Variants in SGCZ observed in about 807,000 individuals in gnomAD.
The protein encoded by SGCZ is zeta-sarcoglycan.
Under a neutral mutation model 41.3 loss-of-function variants are expected in SGCZ, and 40 were observed. The observed-to-expected ratio is 0.97, with a 90% CI of 0.75 to 1.26. SGCZ has a LOEUF of 1.26. Ranked by LOEUF, SGCZ falls within the 50% of genes most tolerant of loss-of-function variation. The pLI is 0.00. For synonymous variants in SGCZ, 206 were observed against 137.5 expected, an observed-to-expected ratio of 1.50 and a Z score of -3.49; for missense variants, 552 against 369.8, an observed-to-expected ratio of 1.49 and a Z score of -4.04.
chr8:14,959,549 T>G (rs887198239), intron 1 of SGCZ, among the ~76,000 whole-genome samples: 1 of 152,152 alleles, frequency 6.6e-6, no homozygotes, highest in Non-Finnish European at 1.5e-5. Context: ...CATTTAACAA[T>G]AGCTAATGCA....
At chr8:14,561,915 C>T (rs1421002934) in intron 1 of SGCZ, among the ~76,000 whole-genome samples, 1 of 152,098 alleles carries the variant, frequency 6.6e-6, no homozygotes, top group South Asian at 2.1e-4. Context: ...CATTTTTCTC[C>T]CAAGGTGTGG....
chr8:14,476,591 C>G (rs1801368709), intron 2 of SGCZ, among the ~76,000 whole-genome samples: 1 of 152,054 alleles, frequency 6.6e-6, no homozygotes, highest in Non-Finnish European at 1.5e-5. Flanking sequence ...TTATCTATGG[C>G]TAATGGTCAA....
intron 7 of SGCZ, among the ~76,000 whole-genome samples, chr8:14,097,270 G>A (rs1382400584): frequency 2.6e-5 from 4 of 152,156 alleles, no homozygotes; most frequent in African/African-American, 2.4e-5. Context: ...CTTTATGTGT[G>A]TCCCAGAGAT....
intron 5 of SGCZ, among the ~76,000 whole-genome samples, chr8:14,124,993 C>T (rs769609707): frequency 2.6e-5 from 4 of 152,050 alleles, no homozygotes; most frequent in Admixed American, 2.0e-4. Flanking sequence ...TTCCTATACA[C>T]GAACAAAAGA....
At chr8:14,165,554 A>G (rs1804181944) in intron 4 of SGCZ, among the ~76,000 whole-genome samples, 1 of 152,164 alleles carries the variant, frequency 6.6e-6, no homozygotes, top group African/African-American at 2.4e-5. Flanking sequence ...AATTCATATT[A>G]TGTCCAAATT....
At chr8:14,986,542 T>C (rs1288084658) in intron 1 of SGCZ, among the ~76,000 whole-genome samples, 1 of 152,138 alleles carries the variant, frequency 6.6e-6, no homozygotes, top group African/African-American at 2.4e-5. Context: ...AGGTAAATTA[T>C]AATTTCCTTT....
chr8:15,021,463 T>G (rs1181003786), intron 1 of SGCZ, among the ~76,000 whole-genome samples: 2 of 152,210 alleles, frequency 1.3e-5, no homozygotes, highest in South Asian at 2.1e-4. Flanking sequence ...TTGGCTTATC[T>G]GAGGTTGTAC....
intron 1 of SGCZ, among the ~76,000 whole-genome samples, chr8:15,108,996 T>C (rs1231959011): frequency 1.3e-5 from 2 of 152,170 alleles, no homozygotes; most frequent in Admixed American, 6.5e-5. Context: ...TTTTCTCCAT[T>C]TCTACATTTT....
chr8:15,199,017 G>A (rs745812551), intron 1 of SGCZ, among the ~76,000 whole-genome samples: 8 of 152,130 alleles, frequency 5.3e-5, no homozygotes, highest in Non-Finnish European at 1.2e-4. Flanking sequence ...TCTACCATAT[G>A]AGAGTATTAA....
At chr8:14,990,910 C>A (rs1205355965) in intron 1 of SGCZ, among the ~76,000 whole-genome samples, 3 of 152,080 alleles carry the variant, frequency 2.0e-5, no homozygotes, top group Non-Finnish European at 4.4e-5. Flanking sequence ...ACTCCCAACC[C>A]AGTCCCAGTC....
At chr8:15,191,465 C>G (rs1308730147) in intron 1 of SGCZ, among the ~76,000 whole-genome samples, 1 of 151,784 alleles carries the variant, frequency 6.6e-6, no homozygotes, top group Non-Finnish European at 1.5e-5. Context: ...GTATTTAACC[C>G]TGAAAACAAT....
At chr8:14,362,974 C>T (rs1463853544) in intron 2 of SGCZ, among the ~76,000 whole-genome samples, 1 of 152,038 alleles carries the variant, frequency 6.6e-6, no homozygotes, top group African/African-American at 2.4e-5. Context: ...TTTAAAATGA[C>T]TTTACAGATT....
intron 1 of SGCZ, among the ~76,000 whole-genome samples, chr8:14,696,065 T>C (rs1403599028): frequency 6.6e-6 from 1 of 152,130 alleles, no homozygotes; most frequent in East Asian, 1.9e-4. Flanking sequence ...ATTGGTTTTG[T>C]AGAAACAGTT....
intron 2 of SGCZ, among the ~76,000 whole-genome samples, chr8:14,482,483 C>A (rs1371632051): frequency 6.6e-6 from 1 of 152,068 alleles, no homozygotes; most frequent in Non-Finnish European, 1.5e-5. Context: ...GAAACAAAAT[C>A]ATTTTGTTTT....
intron 3 of SGCZ, among the ~76,000 whole-genome samples, chr8:14,295,505 A>C (rs1800977407): frequency 2.0e-5 from 3 of 152,204 alleles, no homozygotes; most frequent in Non-Finnish European, 4.4e-5. Context: ...AATTTCATAT[A>C]GTAAGAAATT....
chr8:14,829,838 T>G (rs192889224), intron 1 of SGCZ, among the ~76,000 whole-genome samples: 32 of 152,188 alleles, frequency 2.1e-4, no homozygotes, highest in African/African-American at 7.5e-4. Flanking sequence ...TTTGGACGGA[T>G]TCTCGCTCTG....
intron 1 of SGCZ, among the ~76,000 whole-genome samples, chr8:14,987,468 T>C (rs1172327752): frequency 6.6e-6 from 1 of 152,048 alleles, no homozygotes; most frequent in Non-Finnish European, 1.5e-5. Context: ...ACTGATCATC[T>C]TTCTGCTGTG....
intron 1 of SGCZ, among the ~76,000 whole-genome samples, chr8:14,652,153 C>A (rs36005535): frequency 0.21 from 32,225 of 151,322 alleles, 3,849 homozygotes; most frequent in South Asian, 0.35. Flanking sequence ...TACATGAGTT[C>A]AAGATGGAGA....
chr8:14,612,782 G>T (rs893942165), intron 1 of SGCZ, among the ~76,000 whole-genome samples: 1 of 152,078 alleles, frequency 6.6e-6, no homozygotes, highest in Non-Finnish European at 1.5e-5. Flanking sequence ...CACCTCCCAA[G>T]CTCAAATGAT....
Sources: gnomAD v4.1 joint callset for allele counts (sites outside exome capture counted in the v4.1 genomes callset) on GRCh38, gnomAD v4.1.1 for gene constraint, MANE v1.5 for transcripts, NCBI Gene and HGNC (gene_info 2026-07-23, HGNC 2026-07-21) for gene names.